The following TBC1D1 variants were observed in gnomAD, a reference collection of about 807,000 sequenced individuals.
TBC1D1 encodes TBC1 domain family member 1, also known as TBC1 (tre-2/USP6, BUB2, cdc16) domain family, member 1.
In TBC1D1, 89 loss-of-function variants were observed where a neutral mutation model predicts 125.6. The ratio of observed to expected loss-of-function variants is 0.71; its 90% confidence interval spans 0.60 to 0.85. The LOEUF (loss-of-function observed/expected upper bound fraction) is 0.85. Among genes scored for constraint, TBC1D1 ranks in the 40% least tolerant of loss-of-function variants. TBC1D1 has a pLI of 0.00. For synonymous variants in TBC1D1, 565 were observed against 564.1 expected (o/e 1.00, Z -0.02); for missense variants, 1,377 against 1,469.2 (o/e 0.94, Z 1.03).
At chr4:37,943,890 C>T (rs1726097325) in intron 2 of TBC1D1, among the ~76,000 whole-genome samples, 1 of 152,188 alleles carries the variant, frequency 6.6e-6, no homozygotes, top group Non-Finnish European at 1.5e-5. Flanking sequence ...AGCTGCATTC[C>T]TTTGGAGGGG....
At chr4:37,990,051 G>A (rs1736240762) in intron 2 of TBC1D1, among the ~76,000 whole-genome samples, 1 of 152,250 alleles carries the variant, frequency 6.6e-6, no homozygotes, top group South Asian at 2.1e-4. Flanking sequence ...GTATTTTGCG[G>A]AAGTTCTTTT....
chr4:38,026,891 G>A (rs1745193668), intron 6 of TBC1D1, among the ~76,000 whole-genome samples: 1 of 151,618 alleles, frequency 6.6e-6, no homozygotes, highest in Non-Finnish European at 1.5e-5. Context: ...TTATTAATAA[G>A]CATGTGGTGG....
chr4:37,976,734 C>T (rs906312515), intron 2 of TBC1D1, among the ~76,000 whole-genome samples: 4 of 152,044 alleles, frequency 2.6e-5, no homozygotes, highest in Admixed American at 2.6e-4. Flanking sequence ...ACCACCTTGT[C>T]TCATCATCTT....
In TBC1D1 at chr4:38,060,823, G is replaced by A. The variant is rs915648447; in HGVS notation, c.2050+6485G>A. Among the ~76,000 whole-genome samples the A allele has an allele frequency of 5.9e-5, 9 of 152,190 alleles. No individual in the cohort carries two copies. In the South Asian group the frequency reaches 6.2e-4, roughly 11 times the overall value. On this transcript the variant is annotated intron_variant, in intron 12 of 19. Coordinates refer to ENST00000261439, the MANE Select transcript of TBC1D1 (RefSeq NM_015173.4). ...AGGCAGACTCTGTTGCAGTAGGTCC[G>A]GGTGGGTTCTGAAGTTCTAACAAGC...
intron 2 of TBC1D1, among the ~76,000 whole-genome samples, chr4:37,947,177 G>T (rs917472421): frequency 2.6e-5 from 4 of 152,134 alleles, no homozygotes; most frequent in African/African-American, 9.7e-5. Flanking sequence ...TTATTTTTGA[G>T]ACAGAGTCTT....
intron 2 of TBC1D1, among the ~76,000 whole-genome samples, chr4:38,012,690 A>C (rs1255018791): frequency 6.6e-6 from 1 of 152,170 alleles, no homozygotes; most frequent in African/African-American, 2.4e-5. Context: ...TAATTGACCA[A>C]CAGTTTTTAG....
At chr4:37,986,123 G>A (rs1735397074) in intron 2 of TBC1D1, among the ~76,000 whole-genome samples, 1 of 152,166 alleles carries the variant, frequency 6.6e-6, no homozygotes, top group African/African-American at 2.4e-5. Flanking sequence ...ATACCTATCA[G>A]TAATTGTGGC....
At position 37,999,015 on chromosome 4, in the gene TBC1D1, A is replaced by G. The variant is rs1202315337; in HGVS notation, c.418-15494A>G. On this transcript the variant is annotated intron_variant, in intron 2 of 19. Transcript: ENST00000261439. ...TAATCCCAGCACTTTGGGAAGCCAA[A>G]GCAGGTGGATCACTTGGGAACTCAG... 2.0e-5 allele frequency among the ~76,000 whole-genome samples: 3 copies of G among 152,312 alleles called. No homozygotes were observed. In the East Asian group the frequency reaches 5.8e-4, roughly 29 times the overall value.
chr4:38,132,613 C>G (rs887543412), intron 18 of TBC1D1: 4 of 166,496 alleles, frequency 2.4e-5, no homozygotes, highest in African/African-American at 9.7e-5. Context: ...CTTAGCTGTT[C>G]TTGTAACTCT....
chr4:38,006,626 G>GCC (rs1740274148), intron 2 of TBC1D1, among the ~76,000 whole-genome samples: 5 of 151,936 alleles, frequency 3.3e-5, no homozygotes, highest in South Asian at 2.1e-4. Flanking sequence ...CTACAGGCAT[G>GCC]TGCCACCACG....
intron 6 of TBC1D1, among the ~76,000 whole-genome samples, chr4:38,026,042 A>T (rs1745014588): frequency 6.6e-6 from 1 of 151,180 alleles, no homozygotes; most frequent in Non-Finnish European, 1.5e-5. Context: ...AAATACTTCG[A>T]TGTGCCTCAG....
At chr4:37,985,550 GAAATGA>G (rs1202672757) in intron 2 of TBC1D1, among the ~76,000 whole-genome samples, 1 of 152,182 alleles carries the variant, frequency 6.6e-6, no homozygotes, top group Non-Finnish European at 1.5e-5. Context: ...TCTTGTGTCT[GAAATGA>G]ACTTAATATA....
At chr4:37,970,941 G>C (rs948254789) in intron 2 of TBC1D1, among the ~76,000 whole-genome samples, 8 of 151,654 alleles carry the variant, frequency 5.3e-5, no homozygotes, top group Non-Finnish European at 1.0e-4. Flanking sequence ...TGCCTCACTG[G>C]CCCCCCCCAC....
intron 12 of TBC1D1, among the ~76,000 whole-genome samples, chr4:38,063,072 G>A (rs1455020433): frequency 6.6e-6 from 1 of 152,186 alleles, no homozygotes; most frequent in Non-Finnish European, 1.5e-5. Flanking sequence ...TCCAAAGTGA[G>A]TGATCTTGAT....
At chr4:38,050,167 G>A (rs1238520339) in intron 11 of TBC1D1, among the ~76,000 whole-genome samples, 3 of 152,192 alleles carry the variant, frequency 2.0e-5, no homozygotes, top group Non-Finnish European at 4.4e-5. Flanking sequence ...AGTAAGAGAC[G>A]TTGTTGACTG....
chr4:37,931,222 C>A (rs111997767), intron 2 of TBC1D1, among the ~76,000 whole-genome samples: 1 of 152,082 alleles, frequency 6.6e-6, no homozygotes, highest in Admixed American at 6.6e-5. Flanking sequence ...CCTGCCTCAC[C>A]CTCCCAAGGA....
At chr4:37,958,725 T>G (rs541321248) in intron 2 of TBC1D1, among the ~76,000 whole-genome samples, 24 of 152,252 alleles carry the variant, frequency 1.6e-4, no homozygotes, top group African/African-American at 5.8e-4. Flanking sequence ...AAAATGAATG[T>G]GTCGGAAGAG....
chr4:38,118,457 G>T (rs1224945208), intron 17 of TBC1D1: 1 of 418,414 alleles, frequency 2.4e-6, no homozygotes, highest in Non-Finnish European at 4.3e-6. Context: ...CACCATGAGG[G>T]TCTCCCTAGA....
rs560368150 is a variant in TBC1D1 at position 38,091,633 on chromosome 4, C to G, written c.2236+1516C>G. On this transcript the variant is annotated intron_variant, in intron 13 of 19. Transcript: ENST00000261439. ...CTTGCAAATGACAGCCATGTAAAAT[C>G]AGGGCATAGCTATAAAATGGGAACG... is the stretch of plus-strand genomic sequence containing the variant. Among the ~76,000 whole-genome samples the G allele has an allele frequency of 2.6e-5, 4 of 152,330 alleles. No individual in the cohort carries two copies. In the South Asian group the frequency reaches 8.3e-4, roughly 32 times the overall value.
Sources: allele counts gnomAD v4.1 joint callset (sites outside exome capture counted in the v4.1 genomes callset), GRCh38; gene constraint gnomAD v4.1.1; transcripts MANE v1.5; gene names NCBI Gene and HGNC (gene_info 2026-07-23, HGNC 2026-07-21).